SCAPER: variants seen among roughly 807,000 people sequenced by gnomAD.
SCAPER encodes S phase cyclin A-associated protein in the endoplasmic reticulum.
A neutral mutation model predicts 182.2 loss-of-function variants in SCAPER; 98 were observed. The ratio of observed to expected loss-of-function variants is 0.54; its 90% CI spans 0.46 to 0.64. The LOEUF (loss-of-function observed/expected upper bound fraction) is 0.64, where lower values mean the gene tolerates loss of function less well. Among genes scored for constraint, SCAPER ranks in the 30% least tolerant of loss-of-function variants. The pLI is 0.00. For synonymous variants in SCAPER, 605 were observed against 564.6 expected (o/e 1.07, Z -1.01); for missense variants, 1,432 against 1,690.0 (o/e 0.85, Z 2.68).
intron 21 of SCAPER, among the ~76,000 whole-genome samples, chr15:76,658,703 T>C (rs2055875229): frequency 6.6e-6 from 1 of 152,162 alleles, no homozygotes; most frequent in Admixed American, 6.5e-5. Context: ...AACAGCATGG[T>C]ACTGGTATAA....
At chr15:76,563,412 G>A (rs2046794391) in intron 23 of SCAPER, among the ~76,000 whole-genome samples, 2 of 152,116 alleles carry the variant, frequency 1.3e-5, no homozygotes, top group Admixed American at 6.5e-5. Flanking sequence ...ACATAAACTA[G>A]AAAATCTAGA....
Position 76,841,892 on chromosome 15 carries a change from C to T in SCAPER, c.235G>A (p.Gly79Arg). ...VDCKITSSTTGDKHFDKSPTK... is the reference protein window; with the variant it reads ...VDCKITSSTTRDKHFDKSPTK... Reference sequence around the variant, plus strand: ...GGACTTTTATCAAAGTGTTTATCTCCAGTCGTAGACGATGTTATTTTACAG... The same window carrying T: ...GGACTTTTATCAAAGTGTTTATCTCTAGTCGTAGACGATGTTATTTTACAG... The change falls in exon 5 of 32, where the codon GGA (glycine) becomes AGA (arginine). Residue 79 changes from glycine (G) to arginine (R), a missense_variant. Physicochemically the swap from Gly to Arg is moderately radical, Grantham distance 125. Around this residue, in one of 5 missense-constraint regions of SCAPER, gnomAD observed 480 missense variants for 510.2 expected, o/e 0.94. Coordinates refer to ENST00000563290, the MANE Select transcript of SCAPER (RefSeq NM_020843.4). 1 of 1,613,834 alleles carries T rather than the reference C, an allele frequency of 6.2e-7. No homozygotes were observed.
intron 1 of SCAPER, among the ~76,000 whole-genome samples, chr15:76,899,245 A>G (rs1595958832): frequency 6.6e-6 from 1 of 151,388 alleles, no homozygotes; most frequent in Non-Finnish European, 1.5e-5. Context: ...GCTAGCTGCA[A>G]CCTCCCTGCC....
chr15:76,866,104 C>T (rs2072273805), intron 2 of SCAPER, among the ~76,000 whole-genome samples: 2 of 152,168 alleles, frequency 1.3e-5, no homozygotes, highest in African/African-American at 4.8e-5. Context: ...TATCATTTAG[C>T]ATTGTTCTAA....
At chr15:76,445,411 A>C (rs1311378570) in intron 25 of SCAPER, among the ~76,000 whole-genome samples, 1 of 152,088 alleles carries the variant, frequency 6.6e-6, no homozygotes, top group African/African-American at 2.4e-5. Flanking sequence ...ATATTCTGGA[A>C]ACTTTGTGTA....
At chr15:76,703,175 C>G (rs1017242884) in intron 18 of SCAPER, among the ~76,000 whole-genome samples, 173 bp from the exon 19 acceptor site, 2 of 152,120 alleles carry the variant, frequency 1.3e-5, no homozygotes, top group African/African-American at 4.8e-5. Flanking sequence ...CCCACATGAA[C>G]AGTAATGTTT....
At chr15:76,457,695 T>A (rs574920138) in intron 25 of SCAPER, among the ~76,000 whole-genome samples, 1 of 152,272 alleles carries the variant, frequency 6.6e-6, no homozygotes, top group South Asian at 2.1e-4. Flanking sequence ...CTCTATATTA[T>A]AATAATATGC....
At chr15:76,699,922 A>G (rs149742614) in intron 20 of SCAPER, among the ~76,000 whole-genome samples, 1 of 152,214 alleles carries the variant, frequency 6.6e-6, no homozygotes, top group Non-Finnish European at 1.5e-5. Flanking sequence ...CAGTAGCAGC[A>G]TGGTGGCAAA....
chr15:76,869,307 A>G (rs1278845699), intron 2 of SCAPER, among the ~76,000 whole-genome samples: 1 of 152,170 alleles, frequency 6.6e-6, no homozygotes, highest in East Asian at 1.9e-4. Context: ...TAACAAAGGA[A>G]ATAATCAACA....
At chr15:76,625,253 G>A (rs2052462335) in intron 21 of SCAPER, among the ~76,000 whole-genome samples, 1 of 152,154 alleles carries the variant, frequency 6.6e-6, no homozygotes, top group Non-Finnish European at 1.5e-5. Context: ...GAATGCTTGG[G>A]TGGGCATGGC....
At chr15:76,691,238 T>A (rs1167915770) in intron 20 of SCAPER, among the ~76,000 whole-genome samples, 3 of 151,888 alleles carry the variant, frequency 2.0e-5, no homozygotes, top group Non-Finnish European at 4.4e-5. Flanking sequence ...TGGAAAAAAA[T>A]TATTAAAATT....
chr15:76,764,153 GGAGCA>G (rs2062967109), intron 14 of SCAPER, among the ~76,000 whole-genome samples: 2 of 152,230 alleles, frequency 1.3e-5, no homozygotes, highest in Non-Finnish European at 2.9e-5. Flanking sequence ...GGGGAATGCA[GGAGCA>G]TACTGTTGCA....
At chr15:76,867,839 T>C (rs1032198155) in intron 2 of SCAPER, among the ~76,000 whole-genome samples, 5 of 152,172 alleles carry the variant, frequency 3.3e-5, no homozygotes, top group Non-Finnish European at 7.4e-5. Flanking sequence ...CCTTCCAGTC[T>C]TTCTTGCAGA....
chr15:76,528,063 C>G (rs977906535), intron 23 of SCAPER, among the ~76,000 whole-genome samples: 2 of 152,068 alleles, frequency 1.3e-5, no homozygotes, highest in Non-Finnish European at 1.5e-5. Context: ...CTTAAAGAAC[C>G]AGATAGTAAA....
At chr15:76,624,142 A>C (rs2052357699) in intron 21 of SCAPER, among the ~76,000 whole-genome samples, 1 of 152,226 alleles carries the variant, frequency 6.6e-6, no homozygotes, top group African/African-American at 2.4e-5. Context: ...ATACCTAGAA[A>C]ACTCTAAAGA....
intron 1 of SCAPER, among the ~76,000 whole-genome samples, chr15:76,892,600 G>A (rs1021804770): frequency 3.3e-5 from 5 of 152,142 alleles, no homozygotes; most frequent in Admixed American, 1.3e-4. Context: ...TCAGAGAAAC[G>A]CAAATCAAAA....
chr15:76,902,716 A>C (rs1210379105), intron 1 of SCAPER, among the ~76,000 whole-genome samples: 1 of 152,170 alleles, frequency 6.6e-6, no homozygotes, highest in African/African-American at 2.4e-5. Flanking sequence ...GTGATTCCCA[A>C]AGAAGTTGTT....
intron 25 of SCAPER, among the ~76,000 whole-genome samples, chr15:76,455,929 G>A (rs183119451): frequency 6.6e-6 from 1 of 152,182 alleles, no homozygotes; most frequent in East Asian, 1.9e-4. Flanking sequence ...GCCGTGTTTG[G>A]TTTTCTCTTA....
rs1355210026 is a variant in SCAPER at position 76,595,510 on chromosome 15, C to T, written c.2712-21226G>A. ...CTCCACCCCAAATCAATAGAATATA[C>T]ATTCTTCTCAGTACCACATCGCATT... On this transcript the variant is annotated intron_variant, in intron 22 of 31. Transcript: ENST00000563290. Among the ~76,000 whole-genome samples, 5 of 121,774 alleles carry T rather than the reference C, an allele frequency of 4.1e-5. 1 individual carries two copies. The highest frequency in any genetic ancestry group is 1.3e-4 in the African/African-American group (5 of 39,778). The allele number at this position is 121,774 out of a possible 152,430, so 79.9% of individuals were successfully genotyped here.
Sources: gnomAD v4.1 joint callset for allele counts (sites outside exome capture counted in the v4.1 genomes callset) on GRCh38, gnomAD v4.1.1 for gene constraint, gnomAD v4.1.1 regional missense constraint, MANE v1.5 for transcripts, NCBI Gene and HGNC (gene_info 2026-07-23, HGNC 2026-07-21) for gene names.